Variants in STPG4 observed in about 807,000 individuals in gnomAD.
STPG4 encodes the protein sperm-tail PG-rich repeat containing 4.
Under a neutral mutation model 31.5 loss-of-function variants are expected in STPG4, and 41 were observed. The ratio of observed to expected loss-of-function variants is 1.30; its 90% CI spans 1.01 to 1.69. The LOEUF is 1.69. Ranked by LOEUF, STPG4 falls within the 40% of genes most tolerant of loss-of-function variation. The pLI is 0.00. For synonymous variants in STPG4, 141 were observed against 103.0 expected, an observed-to-expected ratio of 1.37 and a Z score of -2.24; for missense variants, 375 against 293.4, an observed-to-expected ratio of 1.28 and a Z score of -2.03.
At position 47,151,461 on chromosome 2, in the gene STPG4, A is replaced by G; in HGVS notation, c.196T>C (p.Leu66=). 1 of 1,614,018 alleles carries G rather than the reference A, an allele frequency of 6.2e-7. No individual in the cohort carries two copies. Among genetic ancestry groups the G allele is most frequent in the Non-Finnish European group, 8.5e-7 (1 of 1,179,878 alleles). Residue 66 remains leucine (L), a synonymous_variant, in exon 3 of 7, where the codon TTA becomes CTA. Transcript: ENST00000445927. ...TTGTAGGTTGCTATCACTGGATTTA[A>G]TAGGGATTCTTCAATAAAAGTTTTC... ...HLKTFIEESL[L]NPVIATYNFK...
intron 3 of STPG4, among the ~76,000 whole-genome samples, chr2:47,142,868 A>C (rs542382610): frequency 2.7e-5 from 3 of 109,634 alleles, no homozygotes; most frequent in Admixed American, 1.1e-4. Context: ...TTTGAGACAG[A>C]GTTTTGCTCT....
At position 47,108,176 on chromosome 2, in the gene STPG4, G is replaced by A. The variant is rs572650970; in HGVS notation, c.520-17802C>T. On this transcript the variant is annotated intron_variant, in intron 5 of 6. Coordinates refer to ENST00000445927, the MANE Select transcript of STPG4 (RefSeq NM_001163561.2). ...AGGGATTGTAAACACACCAATCAGC[G>A]CCCTGTCAAAACAGACCACTCGGCT... 4.8e-3 allele frequency among the ~76,000 whole-genome samples: 721 copies of A among 151,266 alleles called. 5 individuals carry two copies. Among genetic ancestry groups the A allele is most frequent in the African/African-American group, 0.017 (681 of 41,092 alleles).
chr2:47,145,227 C>G (rs999449611), intron 3 of STPG4, among the ~76,000 whole-genome samples: 2 of 152,174 alleles, frequency 1.3e-5, no homozygotes, highest in African/African-American at 4.8e-5. Context: ...ATCCAGGGGT[C>G]AAAGTCTGGG....
intron 3 of STPG4, among the ~76,000 whole-genome samples, chr2:47,130,721 G>A (rs1254390063): frequency 9.9e-5 from 15 of 152,084 alleles, no homozygotes; most frequent in Admixed American, 9.8e-4. Flanking sequence ...CACCATGTTG[G>A]CCAGGCTGGT....
At chr2:47,091,631 T>C (rs983873775) in intron 5 of STPG4, among the ~76,000 whole-genome samples, 3 of 152,124 alleles carry the variant, frequency 2.0e-5, no homozygotes, top group African/African-American at 4.8e-5. Flanking sequence ...GGGAAGTGGG[T>C]GGGAGTATTA....
intron 5 of STPG4, among the ~76,000 whole-genome samples, chr2:47,100,061 C>T (rs1053333717): frequency 2.0e-5 from 3 of 152,104 alleles, no homozygotes; most frequent in Non-Finnish European, 2.9e-5. Context: ...TGATGAGTGC[C>T]GCCCCCTGCT....
chr2:47,099,632 C>T (rs1685745692), intron 5 of STPG4, among the ~76,000 whole-genome samples: 1 of 152,286 alleles, frequency 6.6e-6, no homozygotes, highest in South Asian at 2.1e-4. Context: ...ACTTTGGCGG[C>T]ACTTGAGGAG....
At chr2:47,096,026 G>A (rs923474205) in intron 5 of STPG4, among the ~76,000 whole-genome samples, 10 of 152,290 alleles carry the variant, frequency 6.6e-5, no homozygotes, top group East Asian at 1.9e-4. Context: ...GCCCTAAACT[G>A]CCGACTGCAG....
chr2:47,106,909 T>G (rs1685923928), intron 5 of STPG4, among the ~76,000 whole-genome samples: 2 of 151,900 alleles, frequency 1.3e-5, no homozygotes, highest in African/African-American at 4.9e-5. Flanking sequence ...CCAAATGAGT[T>G]AAACTAACAA....
intron 3 of STPG4, among the ~76,000 whole-genome samples, chr2:47,134,678 C>T (rs1275315742): frequency 1.3e-5 from 2 of 152,180 alleles, no homozygotes; most frequent in African/African-American, 4.8e-5. Context: ...CATGTGCAGG[C>T]TTTTGGGTGG....
chr2:47,094,817 T>C (rs1685637831), intron 5 of STPG4, among the ~76,000 whole-genome samples: 1 of 152,222 alleles, frequency 6.6e-6, no homozygotes, highest in Non-Finnish European at 1.5e-5. Flanking sequence ...GTCTCTGTCA[T>C]ACCGCGAAGA....
At chr2:47,095,342 G>A (rs937962253) in intron 5 of STPG4, among the ~76,000 whole-genome samples, 3 of 152,134 alleles carry the variant, frequency 2.0e-5, no homozygotes, top group Non-Finnish European at 2.9e-5. Context: ...ATGCTCACAG[G>A]GAAAACACCA....
rs550001464 is a variant in STPG4 at position 47,100,996 on chromosome 2, G to A, written c.520-10622C>T. Among the ~76,000 whole-genome samples, 238 of 151,976 alleles carry A rather than the reference G, an allele frequency of 1.6e-3. 3 individuals carry two copies. The highest frequency in any genetic ancestry group is 9.3e-3 in the Admixed American group (142 of 15,274). On this transcript the variant is annotated intron_variant, in intron 5 of 6. Transcript: ENST00000445927. ...CTGGACACATTTTGGCGACCCAGAT[G>A]GGACATTTGCCTATCACCAAGCGGT...
chr2:47,148,784 G>C (rs572177873), intron 3 of STPG4, among the ~76,000 whole-genome samples: 1 of 152,204 alleles, frequency 6.6e-6, no homozygotes, highest in Non-Finnish European at 1.5e-5. Context: ...TGTGGTGTTT[G>C]GTTTTTTGTC....
At chr2:47,097,952 TTAA>T (rs547914818) in intron 5 of STPG4, among the ~76,000 whole-genome samples, 30 of 137,932 alleles carry the variant, frequency 2.2e-4, no homozygotes, top group Middle Eastern at 7.3e-3. Context: ...ACCCCATCTC[TTAA>T]AAAAAAAAAA....
chr2:47,139,699 T>C (rs1686666751), intron 3 of STPG4, among the ~76,000 whole-genome samples: 1 of 152,154 alleles, frequency 6.6e-6, no homozygotes, highest in South Asian at 2.1e-4. Context: ...TACCAAGAGA[T>C]CAAAAGTGGG....
chr2:47,108,175 C>T (rs554323327), intron 5 of STPG4, among the ~76,000 whole-genome samples: 10 of 151,524 alleles, frequency 6.6e-5, no homozygotes, highest in East Asian at 3.9e-4. Context: ...CACCAATCAG[C>T]GCCCTGTCAA....
At chr2:47,113,705 T>C (rs912998294) in intron 5 of STPG4, among the ~76,000 whole-genome samples, 2 of 152,168 alleles carry the variant, frequency 1.3e-5, no homozygotes, top group Non-Finnish European at 2.9e-5. Flanking sequence ...ACATAATCTT[T>C]AGTAAATCCC....
chr2:47,129,780 AG>A lies in STPG4; in HGVS notation c.519+160del, dbSNP rs1469364674. ...CCCACACTTGCTTTTTGGTTCTTACAGAGGTGTTTTCTTGTGTGGATAATTG... is the reference window on the plus strand; with the variant it reads ...CCCACACTTGCTTTTTGGTTCTTACAAGGTGTTTTCTTGTGTGGATAATTG... On this transcript the variant is annotated intron_variant, in intron 5 of 6. Coordinates refer to ENST00000445927, the MANE Select transcript of STPG4 (RefSeq NM_001163561.2). The A allele has an allele frequency of 1.3e-5, 11 of 836,010 alleles. No homozygotes were observed. The Admixed American group carries it at 3.7e-4, about 28-fold the overall frequency. The allele number at this position is 836,010 out of a possible 1,614,324, so 51.8% of individuals were successfully genotyped here.
Sources: allele counts gnomAD v4.1 joint callset (sites outside exome capture counted in the v4.1 genomes callset), GRCh38; gene constraint gnomAD v4.1.1; transcripts MANE v1.5; gene names NCBI Gene and HGNC (gene_info 2026-07-23, HGNC 2026-07-21).